Variants in AAK1 observed in about 807,000 individuals in gnomAD.
AAK1 encodes AP2 associated kinase 1.
A neutral mutation model predicts 116.0 loss-of-function variants in AAK1; 37 were observed. That is an observed-to-expected ratio of 0.32 (90% CI 0.25 to 0.42). The LOEUF is 0.42. Among genes scored for constraint, AAK1 ranks in the 10% least tolerant of loss-of-function variants. AAK1 has a pLI of 1.00. For missense variants in AAK1, 919 were observed against 1,170.6 expected (o/e 0.79, Z 3.14); for synonymous variants, 458 against 439.9 (o/e 1.04, Z -0.51).
chr2:69,627,948 A>G (rs1674983769), intron 2 of AAK1, among the ~76,000 whole-genome samples: 1 of 152,214 alleles, frequency 6.6e-6, no homozygotes, highest in East Asian at 1.9e-4. Flanking sequence ...TTATCTACCC[A>G]GTCACTTAAG....
chr2:69,621,330 T>G (rs1451317311), intron 2 of AAK1, among the ~76,000 whole-genome samples: 1 of 152,028 alleles, frequency 6.6e-6, no homozygotes, highest in East Asian at 1.9e-4. Context: ...ACAAAAAAGA[T>G]TAGCCGGGCT....
At chr2:69,479,427 G>T (rs898184777) in intron 19 of AAK1, among the ~76,000 whole-genome samples, 1 of 152,128 alleles carries the variant, frequency 6.6e-6, no homozygotes, top group Non-Finnish European at 1.5e-5. Context: ...AGAGGTTGCT[G>T]GTTAAATAGG....
intron 2 of AAK1, among the ~76,000 whole-genome samples, chr2:69,591,144 T>A (rs138877318): frequency 3.0e-4 from 45 of 152,356 alleles, no homozygotes; most frequent in African/African-American, 1.0e-3. Flanking sequence ...ATAAATATCA[T>A]CAGTCACTCT....
intron 2 of AAK1, among the ~76,000 whole-genome samples, chr2:69,585,160 G>C (rs557371060): frequency 6.6e-6 from 1 of 152,334 alleles, no homozygotes; most frequent in South Asian, 2.1e-4. Context: ...ATTATAAGAA[G>C]AGACTATTCT....
At chr2:69,521,638 G>C (rs1669782456) in intron 10 of AAK1, among the ~76,000 whole-genome samples, 1 of 152,236 alleles carries the variant, frequency 6.6e-6, no homozygotes, top group Non-Finnish European at 1.5e-5. Context: ...GTCACCCAGA[G>C]TAAAAATCAC....
intron 2 of AAK1, among the ~76,000 whole-genome samples, chr2:69,584,991 A>G (rs1037887803): frequency 6.6e-6 from 1 of 152,144 alleles, no homozygotes; most frequent in African/African-American, 2.4e-5. Flanking sequence ...CCCATCTCAT[A>G]TCTGTATGAA....
rs1671712767 is a variant in AAK1, at chr2:69,563,047, G to C, written c.164-6069C>G. Among the ~76,000 whole-genome samples, 3 of 152,152 alleles carry C rather than the reference G, an allele frequency of 2.0e-5. No individual in the cohort carries two copies. In the South Asian group the frequency reaches 6.2e-4, roughly 32 times the overall value. On this transcript the variant is annotated intron_variant, in intron 2 of 21. Coordinates refer to ENST00000409085, the MANE Select transcript of AAK1 (RefSeq NM_014911.5). ...CCACTGCACTCCAGCCTGAGCAACA[G>C]AGCGAGACCCTCCCTGTCTGTAGAA...
At chr2:69,573,385 TGAA>T (rs1672165704) in intron 2 of AAK1, among the ~76,000 whole-genome samples, 1 of 152,194 alleles carries the variant, frequency 6.6e-6, no homozygotes, top group African/African-American at 2.4e-5. Context: ...AAAGTAGCTC[TGAA>T]GAAGAACAGG....
rs73938003 is a variant in AAK1 at position 69,527,642 on chromosome 2, C to A, written c.872-323G>T. On this transcript the variant is annotated intron_variant, in intron 8 of 21. Coordinates refer to ENST00000409085, the MANE Select transcript of AAK1 (RefSeq NM_014911.5). ...ATACTCCGATACCTAGGAGGTTACA[C>A]GGTCTTACCATGGGCTTCCTTGGTT... 7.4e-3 allele frequency among the ~76,000 whole-genome samples: 1,129 copies of A among 152,236 alleles called. 16 individuals are homozygous for A. The highest frequency in any genetic ancestry group is 0.026 in the African/African-American group (1,069 of 41,544).
intron 18 of AAK1, chr2:69,482,326 T>G: frequency 6.7e-6 from 3 of 447,338 alleles, no homozygotes; most frequent in Non-Finnish European, 7.9e-6. Context: ...CACTCCAGCC[T>G]AGGCAACAAG....
At chr2:69,487,220 T>C (rs1037601341) in intron 17 of AAK1, among the ~76,000 whole-genome samples, 3 of 152,190 alleles carry the variant, frequency 2.0e-5, no homozygotes, top group Non-Finnish European at 2.9e-5. Context: ...AAGGATGTAA[T>C]GGGAGGCACA....
intron 19 of AAK1, among the ~76,000 whole-genome samples, chr2:69,480,150 T>C (rs912996651): frequency 6.6e-6 from 1 of 151,964 alleles, no homozygotes; most frequent in South Asian, 2.1e-4. Flanking sequence ...ATAATGTCTT[T>C]GGAGGTAATT....
intron 2 of AAK1, among the ~76,000 whole-genome samples, chr2:69,559,572 A>T (rs908511384): frequency 6.6e-6 from 1 of 152,232 alleles, no homozygotes. Flanking sequence ...AGAATTTTTT[A>T]AAAAATCACG....
intron 9 of AAK1, 78 bp from the exon 10 acceptor site, chr2:69,525,190 G>A (rs916603631): frequency 2.1e-6 from 3 of 1,415,742 alleles, no homozygotes; most frequent in Admixed American, 1.8e-5. Flanking sequence ...CAGCCTGACT[G>A]GGACTGAGAG....
rs1674630272 is a variant in AAK1 at position 69,470,219 on chromosome 2, T to C, written c.*5650A>G. ...CAGGGAGTATCAAAGATATGATTCT[T>C]GCCAAAAACAGAAAACGAAGACTTG... On this transcript the variant is annotated 3_prime_UTR_variant, in exon 22 of 22. Coordinates refer to ENST00000409085, the MANE Select transcript of AAK1 (RefSeq NM_014911.5). 1 of 985,270 alleles carries C rather than the reference T, an allele frequency of 1.0e-6. No homozygotes were observed. Among genetic ancestry groups the C allele is most frequent in the African/African-American group, 1.7e-5 (1 of 57,220 alleles). 61.0% of individuals were successfully genotyped at this position (985,270 alleles called of 1,614,324 possible).
At chr2:69,502,383 A>G (rs1248477457) in intron 16 of AAK1, among the ~76,000 whole-genome samples, 2 of 151,836 alleles carry the variant, frequency 1.3e-5, no homozygotes, top group Admixed American at 6.6e-5. Context: ...GCACTTTGGG[A>G]GGCTGAGGCG....
chr2:69,601,235 A>G (rs1673565093), intron 2 of AAK1, among the ~76,000 whole-genome samples: 1 of 152,354 alleles, frequency 6.6e-6, no homozygotes, highest in East Asian at 1.9e-4. Flanking sequence ...ATATTTCTTC[A>G]TATGACACAC....
Position 69,468,122 on chromosome 2 carries a change from G to T in AAK1, c.*7747C>A. The stretch of plus-strand genomic sequence containing the variant: ...TATTTGAAGAATAAGATTTTGAAAA[G>T]AATAAATTTTTCCTTGTATTATAAT... On this transcript the variant is annotated 3_prime_UTR_variant, in exon 22 of 22. Coordinates refer to ENST00000409085, the MANE Select transcript of AAK1 (RefSeq NM_014911.5). 2 of 985,206 alleles carry T rather than the reference G, an allele frequency of 2.0e-6. No homozygotes were observed. Among genetic ancestry groups the T allele is most frequent in the Non-Finnish European group, 2.4e-6 (2 of 829,770 alleles). The allele number at this position is 985,206 out of a possible 1,614,324, so 61.0% of individuals were successfully genotyped here.
At position 69,514,575 on chromosome 2, in the gene AAK1, T is replaced by C. The variant is rs1350602990; in HGVS notation, c.1672A>G (p.Thr558Ala). Residue 558 changes from threonine (T) to alanine (A), a missense_variant, in exon 13 of 22, where the codon ACT becomes GCT. Transcript: ENST00000409085. ...TTTTGCTGCAAGGCAGCCTGCTGAG[T>C]CATCAGCTGTTGTTGATGCAGGGCT... Reference protein sequence around the residue: ...ATALHQQQLMTQQAALQQKPT... With the variant: ...ATALHQQQLMAQQAALQQKPT... The C allele has an allele frequency of 6.4e-7, 1 of 1,570,508 alleles. No homozygotes were observed. The highest frequency in any genetic ancestry group is 2.3e-5 in the East Asian group (1 of 42,806).
Sources: allele counts gnomAD v4.1 joint callset (sites outside exome capture counted in the v4.1 genomes callset), GRCh38; gene constraint gnomAD v4.1.1; transcripts MANE v1.5; gene names NCBI Gene and HGNC (gene_info 2026-07-23, HGNC 2026-07-21).